The following ATXN1 variants were observed in gnomAD, a reference collection of about 807,000 sequenced individuals.
ATXN1 encodes the protein ataxin-1.
In ATXN1, 8 loss-of-function variants were observed where a neutral mutation model predicts 56.4. The observed-to-expected ratio is 0.14, with a 90% CI of 0.08 to 0.26. ATXN1 has a LOEUF of 0.26. ATXN1 is among the 10% of genes least tolerant of loss of function. The pLI, the probability that ATXN1 is intolerant of heterozygous loss-of-function variation, is 1.00. For synonymous variants in ATXN1, 514 were observed against 494.6 expected, an observed-to-expected ratio of 1.04 and a Z score of -0.52; for missense variants, 987 against 1,106.5, an observed-to-expected ratio of 0.89 and a Z score of 1.53.
intron 7 of ATXN1, among the ~76,000 whole-genome samples, chr6:16,310,537 C>G (rs1760364687): frequency 6.6e-6 from 1 of 152,118 alleles, no homozygotes; most frequent in Non-Finnish European, 1.5e-5. Flanking sequence ...GGCTGGAGTG[C>G]AGTGGCGCGA....
intron 6 of ATXN1, among the ~76,000 whole-genome samples, chr6:16,422,064 C>T (rs116022005): frequency 1.5e-4 from 22 of 151,342 alleles, no homozygotes; most frequent in Non-Finnish European, 3.2e-4. Context: ...TTTTTATTTG[C>T]CTCTGTGCTA....
intron 5 of ATXN1, among the ~76,000 whole-genome samples, chr6:16,510,869 G>A (rs943470999): frequency 4.8e-4 from 73 of 152,196 alleles, no homozygotes; most frequent in Non-Finnish European, 1.3e-4. Context: ...GGAAGATTTT[G>A]TCTTTTTATA....
At chr6:16,512,650 T>G (rs929611283) in intron 5 of ATXN1, among the ~76,000 whole-genome samples, 12 of 152,196 alleles carry the variant, frequency 7.9e-5, no homozygotes, top group African/African-American at 2.9e-4. Context: ...GAACAAAATA[T>G]ATAGCAGGCT....
chr6:16,432,011 A>G (rs956783363), intron 6 of ATXN1, among the ~76,000 whole-genome samples: 2 of 152,230 alleles, frequency 1.3e-5, no homozygotes, highest in African/African-American at 4.8e-5. Flanking sequence ...GAGGGTATCC[A>G]GAGAGTGATG....
intron 6 of ATXN1, among the ~76,000 whole-genome samples, chr6:16,373,437 CA>C (rs1399654013): frequency 3.3e-5 from 5 of 152,158 alleles, no homozygotes; most frequent in Non-Finnish European, 2.9e-5. Flanking sequence ...ATCTGTCCCA[CA>C]CACGTGTCTT....
At chr6:16,672,900 G>A (rs1314525443) in intron 2 of ATXN1, among the ~76,000 whole-genome samples, 1 of 151,708 alleles carries the variant, frequency 6.6e-6, no homozygotes, top group East Asian at 1.9e-4. Flanking sequence ...GCTACTCCCA[G>A]CTACTTGGGA....
intron 2 of ATXN1, among the ~76,000 whole-genome samples, chr6:16,659,879 A>C (rs1336120002): frequency 2.0e-5 from 3 of 152,162 alleles, no homozygotes; most frequent in African/African-American, 7.2e-5. Flanking sequence ...TGTTACTTTA[A>C]CAACCTTCAC....
intron 3 of ATXN1, among the ~76,000 whole-genome samples, chr6:16,608,477 C>T (rs1482298704): frequency 1.3e-5 from 2 of 152,190 alleles, no homozygotes; most frequent in Admixed American, 1.3e-4. Context: ...ACGTGTGACA[C>T]TATTATTCTT....
intron 4 of ATXN1, among the ~76,000 whole-genome samples, chr6:16,583,365 T>C (rs1406078085): frequency 6.6e-6 from 1 of 152,238 alleles, no homozygotes; most frequent in Non-Finnish European, 1.5e-5. Flanking sequence ...TTCCTTTCAC[T>C]TTTCAACGTT....
chr6:16,330,459 G>T (rs1019085616), intron 6 of ATXN1, among the ~76,000 whole-genome samples: 1 of 140,572 alleles, frequency 7.1e-6, no homozygotes, highest in Non-Finnish European at 1.5e-5. Flanking sequence ...GCGTGATCTC[G>T]GCTTGCTGCA....
At chr6:16,361,965 C>T (rs1761817206) in intron 6 of ATXN1, among the ~76,000 whole-genome samples, 1 of 152,200 alleles carries the variant, frequency 6.6e-6, no homozygotes, top group Non-Finnish European at 1.5e-5. Flanking sequence ...TGGGGGACTC[C>T]TCATCCAGCG....
In ATXN1 at chr6:16,572,376, A is replaced by C. The variant is rs1581853080; in HGVS notation, c.-361+13404T>G. On this transcript the variant is annotated intron_variant, in intron 4 of 7. Coordinates refer to ENST00000436367, the MANE Select transcript of ATXN1 (RefSeq NM_001128164.2). ...GATCTTCGAAGACCTTCAAAACATA[A>C]ATCTGATTACTGCCACCCATAATCA... 2.0e-5 allele frequency among the ~76,000 whole-genome samples: 3 copies of C among 152,264 alleles called. No individual in the cohort carries two copies. In the East Asian group the frequency reaches 5.8e-4, roughly 29 times the overall value.
At chr6:16,520,650 C>G (rs796716051) in intron 5 of ATXN1, among the ~76,000 whole-genome samples, 42 of 152,346 alleles carry the variant, frequency 2.8e-4, no homozygotes, top group African/African-American at 1.0e-3. Flanking sequence ...GAGACCTTTA[C>G]AGTCCCCAGA....
chr6:16,458,809 C>T (rs1485783277), intron 6 of ATXN1, among the ~76,000 whole-genome samples: 1 of 152,232 alleles, frequency 6.6e-6, no homozygotes, highest in Non-Finnish European at 1.5e-5. Flanking sequence ...CGGGGTACTG[C>T]CCCAGAGGAC....
intron 3 of ATXN1, among the ~76,000 whole-genome samples, chr6:16,589,138 G>A (rs1314058915): frequency 6.6e-6 from 1 of 152,000 alleles, no homozygotes; most frequent in African/African-American, 2.4e-5. Context: ...ACGCTTCTCT[G>A]TGAAAAACTC....
chr6:16,706,741 G>C (rs1247527762), intron 2 of ATXN1, among the ~76,000 whole-genome samples: 1 of 104,898 alleles, frequency 9.5e-6, no homozygotes, highest in Admixed American at 9.2e-5. Flanking sequence ...AAAAAAAAAA[G>C]GAAGAAAGAA....
rs538254864 is a variant in ATXN1, at chr6:16,466,936, C to T, written c.-161+19036G>A. ...CTCAAGTTTCCAATAACGTCTTCCT[C>T]GCTGAGGGTAGAATAGTCAGTGCCT... On this transcript the variant is annotated intron_variant, in intron 6 of 7. Coordinates refer to ENST00000436367, the MANE Select transcript of ATXN1 (RefSeq NM_001128164.2). Among the ~76,000 whole-genome samples the T allele has an allele frequency of 3.9e-5, 6 of 152,304 alleles. No individual in the cohort carries two copies. In the South Asian group the frequency reaches 1.0e-3, roughly 26 times the overall value.
At chr6:16,721,421 G>A (rs1038911922) in intron 2 of ATXN1, among the ~76,000 whole-genome samples, 3 of 152,128 alleles carry the variant, frequency 2.0e-5, no homozygotes, top group Admixed American at 1.3e-4. Context: ...AGGCCAGGGA[G>A]TTCGAGACCA....
chr6:16,533,244 C>T (rs1256803297), intron 4 of ATXN1, among the ~76,000 whole-genome samples: 1 of 152,130 alleles, frequency 6.6e-6, no homozygotes, highest in African/African-American at 2.4e-5. Context: ...AAGAAGACCC[C>T]TGTGATCACT....
Sources: allele counts gnomAD v4.1 joint callset (sites outside exome capture counted in the v4.1 genomes callset), GRCh38; gene constraint gnomAD v4.1.1; transcripts MANE v1.5; gene names NCBI Gene and HGNC (gene_info 2026-07-23, HGNC 2026-07-21).